The following LITAF variants were observed in gnomAD, a reference collection of about 807,000 sequenced individuals.
LITAF encodes lipopolysaccharide induced TNF factor.
LITAF carries 9 observed loss-of-function variants against 14.5 expected under a neutral mutation model. The observed-to-expected ratio is 0.62, with a 90% CI of 0.37 to 1.08. The LOEUF (loss-of-function observed/expected upper bound fraction) is 1.08. Ranked by LOEUF, LITAF falls within the 50% of genes least tolerant of loss-of-function variation. The pLI is 0.01. For missense variants in LITAF, 206 were observed against 213.4 expected, an observed-to-expected ratio of 0.97 and a Z score of 0.22; for synonymous variants, 98 against 88.2, an observed-to-expected ratio of 1.11 and a Z score of -0.62.
chr16:11,574,130 C>G (rs1041871361), intron 1 of LITAF, among the ~76,000 whole-genome samples: 1 of 152,018 alleles, frequency 6.6e-6, no homozygotes, highest in Non-Finnish European at 1.5e-5. Flanking sequence ...CAGCCTGGAG[C>G]TCCCAGGCTC....
upstream of LITAF, among the ~76,000 whole-genome samples, chr16:11,602,601 T>C (rs1290542191): frequency 1.3e-5 from 2 of 152,142 alleles, no homozygotes; most frequent in Non-Finnish European, 2.9e-5. Context: ...GCCACCTTTC[T>C]TTGTAAACAA....
At chr16:11,602,984 C>G (rs1483850795), upstream of LITAF, among the ~76,000 whole-genome samples, 2 of 152,018 alleles carry the variant, frequency 1.3e-5, no homozygotes, top group African/African-American at 4.8e-5. Flanking sequence ...TATGGTTGCC[C>G]ATGCCTGTAG....
chr16:11,626,916 C>T (rs1003240657), intron 3 of LITAF, among the ~76,000 whole-genome samples: 2 of 151,978 alleles, frequency 1.3e-5, no homozygotes, highest in Non-Finnish European at 2.9e-5. Flanking sequence ...GATCTTGGCT[C>T]ACTGCAGCCT....
chr16:11,589,347 G>A (rs778783910), upstream of LITAF, among the ~76,000 whole-genome samples: 6 of 152,232 alleles, frequency 3.9e-5, no homozygotes, highest in Non-Finnish European at 8.8e-5. Flanking sequence ...AATGGTAAAA[G>A]ACTGGAAGTT....
chr16:11,577,756 C>T (rs1307340589), intron 1 of LITAF, among the ~76,000 whole-genome samples: 1 of 152,116 alleles, frequency 6.6e-6, no homozygotes, highest in African/African-American at 2.4e-5. Context: ...CACTCTGTCA[C>T]CCAGGCTGGA....
Position 11,558,086 on chromosome 16 carries a change from C to A in LITAF, c.-5-1351G>T, listed in dbSNP as rs912903572. 1.3e-5 allele frequency among the ~76,000 whole-genome samples: 2 copies of A among 152,094 alleles called. No individual in the cohort carries two copies. Among genetic ancestry groups the A allele is most frequent in the Admixed American group, 6.6e-5 (1 of 15,266 alleles). On this transcript the variant is annotated intron_variant, in intron 1 of 3. Transcript: ENST00000622633. This position sits in a 1 kb window ranked among gnomAD's most constrained non-coding sequence, Gnocchi z 4.1. The stretch of plus-strand genomic sequence containing the variant: ...AGAAATGGGAAATGAGGCTCCGGGG[C>A]AGCGAGCCACAACCACCACTCCCCT...
chr16:11,609,654 C>T (rs547179095), intron 3 of LITAF, among the ~76,000 whole-genome samples: 6 of 152,302 alleles, frequency 3.9e-5, no homozygotes, highest in African/African-American at 1.4e-4. Context: ...GCTGCGTGAC[C>T]GTGAGCAAGT....
upstream of LITAF, among the ~76,000 whole-genome samples, chr16:11,638,082 A>C (rs1427623243): frequency 7.8e-6 from 1 of 128,502 alleles, no homozygotes; most frequent in Non-Finnish European, 1.5e-5. Flanking sequence ...ATATATCTAT[A>C]TCTATCTATC....
intron 1 of LITAF, among the ~76,000 whole-genome samples, chr16:11,567,495 G>A (rs896093747): frequency 6.6e-6 from 1 of 152,096 alleles, no homozygotes; most frequent in Non-Finnish European, 1.5e-5. Context: ...GGGAAGTGTG[G>A]GGGAGTGTAC....
chr16:11,619,607 A>G (rs936842196), intron 3 of LITAF, among the ~76,000 whole-genome samples: 1 of 151,522 alleles, frequency 6.6e-6, no homozygotes, highest in African/African-American at 2.4e-5. Flanking sequence ...CAGTCTATTG[A>G]CCAGGCTGGA....
At chr16:11,578,092 T>G (rs1358755498) in intron 1 of LITAF, among the ~76,000 whole-genome samples, 2 of 151,232 alleles carry the variant, frequency 1.3e-5, no homozygotes, top group East Asian at 3.9e-4. Context: ...GAGATGGGGG[T>G]CTCAATATGT....
upstream of LITAF, among the ~76,000 whole-genome samples, chr16:11,636,877 T>C (rs1175588110): frequency 6.6e-6 from 1 of 151,526 alleles, no homozygotes; most frequent in Non-Finnish European, 1.5e-5. Context: ...TATTTTTCTT[T>C]TTTTTTTTTT....
chr16:11,618,458 C>T (rs2065030524), intron 3 of LITAF, among the ~76,000 whole-genome samples: 1 of 152,234 alleles, frequency 6.6e-6, no homozygotes, highest in African/African-American at 2.4e-5. Context: ...GCAGTCTGCA[C>T]TAACTGTGGG....
At chr16:11,606,389 G>A (rs933684969) in intron 3 of LITAF, among the ~76,000 whole-genome samples, 4 of 151,636 alleles carry the variant, frequency 2.6e-5, no homozygotes, top group Non-Finnish European at 2.9e-5. Context: ...GGCTGGTCTC[G>A]AACTCCTGAT....
At chr16:11,555,812 C>T (rs1017986846) in intron 2 of LITAF, among the ~76,000 whole-genome samples, 3 of 152,130 alleles carry the variant, frequency 2.0e-5, no homozygotes, top group African/African-American at 7.2e-5. Flanking sequence ...CTGTATTTGG[C>T]ACACACAACT....
Position 11,556,491 on chromosome 16 carries a change from G to C in LITAF, c.220+20C>G. On this transcript the variant is annotated intron_variant, in intron 2 of 3. Coordinates refer to ENST00000622633, the MANE Select transcript of LITAF (RefSeq NM_001136472.2). The stretch of plus-strand genomic sequence containing the variant: ...GGAGGGCCAAGGAATGGTAAGGGGG[G>C]CCTGGGAGGCCACACGTACTTGGAT... 6.2e-7 allele frequency: 1 copy of C among 1,600,212 alleles called. No homozygotes were observed. The highest frequency in any genetic ancestry group is 1.1e-5 in the South Asian group (1 of 90,060).
intron 3 of LITAF, among the ~76,000 whole-genome samples, chr16:11,628,228 A>T (rs545494952): frequency 1.3e-5 from 2 of 152,176 alleles, no homozygotes; most frequent in South Asian, 4.1e-4. Context: ...TCCCAGCCCC[A>T]ACCAGCCCTG....
chr16:11,614,304 T>C (rs866404527), intron 3 of LITAF, among the ~76,000 whole-genome samples: 1,535 of 150,344 alleles, frequency 0.01, 26 homozygotes, highest in African/African-American at 0.033. Flanking sequence ...TTTTCTTTTT[T>C]TTTTTTTTTT....
chr16:11,630,570 CT>C (rs66732953), intron 3 of LITAF, among the ~76,000 whole-genome samples: 63 of 114,244 alleles, frequency 5.5e-4, no homozygotes, highest in South Asian at 1.4e-3. Flanking sequence ...CCCTGGCCAA[CT>C]TTTTTTTTTT....
Sources: gnomAD v4.1 joint callset for allele counts (sites outside exome capture counted in the v4.1 genomes callset) on GRCh38, gnomAD v4.1.1 for gene constraint, Gnocchi (gnomAD v3.1) non-coding constraint, MANE v1.5 for transcripts, NCBI Gene and HGNC (gene_info 2026-07-23, HGNC 2026-07-21) for gene names.